ZNF571: variants seen among roughly 807,000 people sequenced by gnomAD.
ZNF571 encodes zinc finger protein 571.
ZNF571 carries 4 observed loss-of-function variants against 7.7 expected under a neutral mutation model. The observed-to-expected ratio is 0.52, with a 90% CI of 0.25 to 1.18. The LOEUF (loss-of-function observed/expected upper bound fraction) is 1.18, where lower values mean the gene tolerates loss of function less well. Ranked by LOEUF, ZNF571 falls within the 50% of genes most tolerant of loss-of-function variation. The pLI, the probability that ZNF571 is intolerant of heterozygous loss-of-function variation, is 0.14. For synonymous variants in ZNF571, 251 were observed against 232.4 expected (o/e 1.08, Z -0.73); for missense variants, 704 against 726.9 (o/e 0.97, Z 0.36).
chr19:37,571,717 G>A (rs533761853), intron 3 of ZNF571, among the ~76,000 whole-genome samples: 1 of 152,256 alleles, frequency 6.6e-6, no homozygotes, highest in South Asian at 2.1e-4. Flanking sequence ...CCCAACATAT[G>A]TTGAGGAGCA....
chr19:37,588,812 T>G lies in ZNF571; in HGVS notation c.-69-2067A>C, dbSNP rs112922796. On this transcript the variant is annotated intron_variant, in intron 1 of 3. Coordinates refer to ENST00000451802, the MANE Select transcript of ZNF571 (RefSeq NM_016536.5). ...CTGATCTCTGGGGAAAGGTGGATTATTCAGTAAATGTTATTGGAGAAAGGT... is the reference window on the plus strand; with the variant it reads ...CTGATCTCTGGGGAAAGGTGGATTAGTCAGTAAATGTTATTGGAGAAAGGT... Among the ~76,000 whole-genome samples, 694 of 152,368 alleles carry G rather than the reference T, an allele frequency of 4.6e-3. 4 individuals carry two copies. Among genetic ancestry groups the G allele is most frequent in the African/African-American group, 0.016 (672 of 41,588 alleles).
intron 3 of ZNF571, chr19:37,583,743 T>C: frequency 2.3e-6 from 1 of 428,200 alleles, no homozygotes; most frequent in South Asian, 3.4e-5. Flanking sequence ...GATTCCCAGA[T>C]TCAAATCTAG....
Position 37,565,410 on chromosome 19 carries a change from A to T in ZNF571, c.1018T>A (p.Cys340Ser). ...TGEKPYICKECGKAFLCASQL... is the reference protein window; with the variant it reads ...TGEKPYICKESGKAFLCASQL... Reference sequence around the variant, plus strand: ...GAGGCACATAAAAAGGCTTTCCCACATTCTTTACATATGTAAGGCTTTTCA... The same window carrying T: ...GAGGCACATAAAAAGGCTTTCCCACTTTCTTTACATATGTAAGGCTTTTCA... Residue 340 changes from cysteine (C) to serine (S), a missense_variant, in exon 4 of 4, where the codon TGT (cysteine) becomes AGT (serine). Physicochemically the swap from Cys to Ser is moderately radical, Grantham distance 112 (BLOSUM62 -1). Transcript: ENST00000451802. 4 of 1,613,568 alleles carry T rather than the reference A, an allele frequency of 2.5e-6. No individual in the cohort carries two copies. Among genetic ancestry groups the T allele is most frequent in the Non-Finnish European group, 3.4e-6 (4 of 1,179,866 alleles).
intron 3 of ZNF571, among the ~76,000 whole-genome samples, chr19:37,571,639 T>C (rs1007573761): frequency 1.3e-5 from 2 of 152,254 alleles, no homozygotes; most frequent in Admixed American, 1.3e-4. Context: ...ACATTCAGTA[T>C]GCTCCTTGAC....
At chr19:37,589,200 CAAAA>C (rs35689698) in intron 1 of ZNF571, among the ~76,000 whole-genome samples, 3 of 108,902 alleles carry the variant, frequency 2.8e-5, no homozygotes, top group Non-Finnish European at 5.4e-5. Context: ...AACTCCGTCT[CAAAA>C]AAAAAAAAAA....
At chr19:37,571,685 T>A (rs887783697) in intron 3 of ZNF571, among the ~76,000 whole-genome samples, 1 of 152,172 alleles carries the variant, frequency 6.6e-6, no homozygotes, top group Non-Finnish European at 1.5e-5. Context: ...TTACAATATT[T>A]TTGACATTAT....
At chr19:37,589,010 G>C (rs1390155857) in intron 1 of ZNF571, among the ~76,000 whole-genome samples, 1 of 152,022 alleles carries the variant, frequency 6.6e-6, no homozygotes, top group African/African-American at 2.4e-5. Flanking sequence ...CGTCAGCCTG[G>C]CCAATGTGGT....
chr19:37,584,901 T>C (rs541776430), intron 2 of ZNF571, among the ~76,000 whole-genome samples: 2 of 151,426 alleles, frequency 1.3e-5, no homozygotes, highest in Admixed American at 1.3e-4. Context: ...GAGGCGGAGC[T>C]TGCAGTGAGC....
At position 37,566,077 on chromosome 19, in the gene ZNF571, CTT is replaced by C; in HGVS notation, c.349_350del (p.Lys117GlyfsTer3). On this transcript the variant is annotated frameshift_variant, in exon 4 of 4. Coordinates refer to ENST00000451802, the MANE Select transcript of ZNF571 (RefSeq NM_016536.5). LOFTEE classifies it low-confidence loss of function (END_TRUNC). ...YMCVKITCEE[K>X]ATESHSTSST... is the part of the protein sequence containing the mutation. ...AAGAGGTTGAATGACTTTCAGTGGCCTTTTCTTCACAGGTAATTTTGACACAC... is the reference window on the plus strand; with the variant it reads ...AAGAGGTTGAATGACTTTCAGTGGCCTTCTTCACAGGTAATTTTGACACAC... 1 of 1,614,040 alleles carries C rather than the reference CTT, an allele frequency of 6.2e-7. No individual in the cohort carries two copies. The highest frequency in any genetic ancestry group is 2.2e-5 in the East Asian group (1 of 44,868).
Position 37,564,493 on chromosome 19 carries a change from C to G in ZNF571, c.*105G>C. On this transcript the variant is annotated 3_prime_UTR_variant, in exon 4 of 4. Transcript: ENST00000451802. ...ATTCTGCATCCATGTTAATGTAGGC[C>G]TTCTAAGAATGAGCAGATTCTGAGC... 1 of 1,074,292 alleles carries G rather than the reference C, an allele frequency of 9.3e-7. No individual in the cohort carries two copies. The highest frequency in any genetic ancestry group is 1.3e-6 in the Non-Finnish European group (1 of 794,754). 66.5% of individuals were successfully genotyped at this position (1,074,292 alleles called of 1,614,324 possible). A position where few individuals can be genotyped will look rare whatever the true frequency, so the allele number is the denominator to read the frequency against.
chr19:37,590,570 A>G (rs2043840369), intron 1 of ZNF571, among the ~76,000 whole-genome samples: 1 of 152,242 alleles, frequency 6.6e-6, no homozygotes, highest in African/African-American at 2.4e-5. Context: ...CTCAGAAAAT[A>G]CACTAATATA....
Position 37,590,444 on chromosome 19 carries a change from A to G in ZNF571, c.-69-3699T>C, listed in dbSNP as rs1192881253. ...AAAAAAGAAGAAGAAAAAAAAAGCTATAAGGACAAAATTGTAACAATTGGT... is the reference window on the plus strand; with the variant it reads ...AAAAAAGAAGAAGAAAAAAAAAGCTGTAAGGACAAAATTGTAACAATTGGT... On this transcript the variant is annotated intron_variant, in intron 1 of 3. Coordinates refer to ENST00000451802, the MANE Select transcript of ZNF571 (RefSeq NM_016536.5). Among the ~76,000 whole-genome samples the G allele has an allele frequency of 2.6e-5, 4 of 151,964 alleles. 1 individual carries two copies. Among genetic ancestry groups the G allele is most frequent in the Non-Finnish European group, 5.9e-5 (4 of 67,972 alleles).
At chr19:37,583,842 G>C in intron 3 of ZNF571, 129 bp downstream of exon 3, 1 of 891,142 alleles carries the variant, frequency 1.1e-6, no homozygotes, top group Non-Finnish European at 1.7e-6. Context: ...AAGGTACACG[G>C]TGGAGCTGTC....
At chr19:37,582,695 C>G (rs2043514328) in intron 3 of ZNF571, among the ~76,000 whole-genome samples, 1 of 152,162 alleles carries the variant, frequency 6.6e-6, no homozygotes, top group Non-Finnish European at 1.5e-5. Flanking sequence ...CCTTCCAAAC[C>G]CTGATGCCTC....
chr19:37,565,074 A>G lies in ZNF571; in HGVS notation c.1354T>C (p.Cys452Arg). Residue 452 changes from cysteine to arginine, a missense_variant, in exon 4 of 4, where the codon TGT (cysteine) becomes CGT (arginine). Coordinates refer to ENST00000451802, the MANE Select transcript of ZNF571 (RefSeq NM_016536.5). ...TGEKPFECKE[C>R]GKAFIRVAYL... ...GCAACACGAATAAAGGCCTTTCCAC[A>G]TTCCTTACATTCAAAGGGTTTCTCA... 6.2e-7 allele frequency: 1 copy of G among 1,613,322 alleles called. No individual in the cohort carries two copies. Among genetic ancestry groups the G allele is most frequent in the South Asian group, 1.1e-5 (1 of 91,038 alleles).
In ZNF571 at chr19:37,564,867, G is replaced by T. The variant is rs1343471380; in HGVS notation, c.1561C>A (p.Gln521Lys). Reference protein sequence around the residue: ...FIYGSQLSEHQRIHRGEKPYE... With the variant: ...FIYGSQLSEHKRIHRGEKPYE... ...GGTTTTTCACCTCTGTGAATTCTCT[G>T]ATGTTCACTAAGTTGTGAGCCATAA... is the stretch of plus-strand genomic sequence containing the variant. The change falls in exon 4 of 4, where the codon CAG (glutamine) becomes AAG (lysine). Residue 521 changes from glutamine to lysine, a missense_variant. Gln to Lys is a moderately conservative substitution (Grantham distance 53). Coordinates refer to ENST00000451802, the MANE Select transcript of ZNF571 (RefSeq NM_016536.5). 1 of 1,614,036 alleles carries T rather than the reference G, an allele frequency of 6.2e-7. No homozygotes were observed. The highest frequency in any genetic ancestry group is 8.5e-7 in the Non-Finnish European group (1 of 1,179,964).
chr19:37,590,630 G>A (rs1678731170), intron 1 of ZNF571, among the ~76,000 whole-genome samples: 1 of 152,148 alleles, frequency 6.6e-6, no homozygotes, highest in African/African-American at 2.4e-5. Context: ...AGGTAGTTCA[G>A]AAGTATATAT....
intron 3 of ZNF571, among the ~76,000 whole-genome samples, chr19:37,568,538 A>G (rs1185141994): frequency 6.6e-6 from 1 of 152,212 alleles, no homozygotes; most frequent in Non-Finnish European, 1.5e-5. Flanking sequence ...CCTATGTGCT[A>G]GTGCCCTAAT....
intron 3 of ZNF571, among the ~76,000 whole-genome samples, chr19:37,582,841 CCT>C: frequency 6.6e-6 from 1 of 152,276 alleles, no homozygotes; most frequent in African/African-American, 2.4e-5. Context: ...CTGAACTAGT[CCT>C]CTCATTAGTC....
Sources: gnomAD v4.1 joint callset for allele counts (sites outside exome capture counted in the v4.1 genomes callset) on GRCh38, gnomAD v4.1.1 for gene constraint, MANE v1.5 for transcripts, NCBI Gene and HGNC (gene_info 2026-07-23, HGNC 2026-07-21) for gene names.